UACA: variants seen among roughly 807,000 people sequenced by gnomAD.
UACA encodes the protein nuclear membrane binding protein.
A neutral mutation model predicts 160.5 loss-of-function variants in UACA; 112 were observed. The ratio of observed to expected loss-of-function variants is 0.70; its 90% CI spans 0.60 to 0.82. The LOEUF (loss-of-function observed/expected upper bound fraction) is 0.82. Ranked by LOEUF, UACA falls within the 40% of genes least tolerant of loss-of-function variation. The probability of loss-of-function intolerance (pLI) is 0.00; values close to 1 mark genes in which losing one functional copy is unlikely to be tolerated. For synonymous variants in UACA, 557 were observed against 568.4 expected, an observed-to-expected ratio of 0.98 and a Z score of 0.29; for missense variants, 1,574 against 1,614.6, an observed-to-expected ratio of 0.97 and a Z score of 0.43.
chr15:70,702,458 T>G (rs1415957279), intron 1 of UACA: 1 of 357,732 alleles, frequency 2.8e-6, no homozygotes, highest in Non-Finnish European at 3.9e-6. Flanking sequence ...TTCCTCTGAG[T>G]AATAAATTTC....
At chr15:70,658,148 A>C (rs1273007831) in intron 18 of UACA, among the ~76,000 whole-genome samples, 1 of 152,200 alleles carries the variant, frequency 6.6e-6, no homozygotes, top group East Asian at 1.9e-4. Context: ...TTTTTACGTA[A>C]ATAAGATTAT....
At chr15:70,703,226 G>A (rs1251878534) in intron 1 of UACA, 23 of 1,288,502 alleles carry the variant, frequency 1.8e-5, no homozygotes, top group Non-Finnish European at 2.2e-5. Context: ...ACAATAGCAT[G>A]AGAATAATTT....
At chr15:70,737,681 C>T (rs1899410163) in intron 1 of UACA, among the ~76,000 whole-genome samples, 3 of 152,056 alleles carry the variant, frequency 2.0e-5, no homozygotes. Flanking sequence ...GTACTTTAAC[C>T]TGGGTGGAAG....
At chr15:70,744,265 A>AAAG (rs1555416609) in intron 1 of UACA, among the ~76,000 whole-genome samples, 25 of 149,012 alleles carry the variant, frequency 1.7e-4, no homozygotes, top group African/African-American at 5.6e-4. Context: ...AAAAAAAAAA[A>AAAG]AAAGAAAGAA....
intron 3 of UACA, among the ~76,000 whole-genome samples, chr15:70,693,147 T>C (rs1190805330): frequency 1.3e-5 from 2 of 152,146 alleles, no homozygotes; most frequent in Non-Finnish European, 2.9e-5. Context: ...GGAGTGGAGA[T>C]GGTAGGGTTA....
chr15:70,677,343 T>C (rs1376439210), intron 11 of UACA, among the ~76,000 whole-genome samples: 1 of 152,202 alleles, frequency 6.6e-6, no homozygotes, highest in African/African-American at 2.4e-5. Flanking sequence ...CTTTTGATTC[T>C]CTTGAGAACC....
At chr15:70,761,762 G>C (rs928504999) in intron 1 of UACA, among the ~76,000 whole-genome samples, 3 of 152,120 alleles carry the variant, frequency 2.0e-5, no homozygotes, top group African/African-American at 7.2e-5. Flanking sequence ...TTTAAGCTCA[G>C]AGATATGCAC....
chr15:70,749,274 C>G (rs951506038), intron 1 of UACA: 67 of 409,042 alleles, frequency 1.6e-4, no homozygotes, highest in African/African-American at 1.3e-3. Context: ...TGCCTGTAAT[C>G]CCAGCACTTT....
chr15:70,708,126 A>G (rs536159661), intron 1 of UACA, among the ~76,000 whole-genome samples: 62 of 152,350 alleles, frequency 4.1e-4, no homozygotes, highest in African/African-American at 1.4e-3. Context: ...ATGCTACGAC[A>G]TAGATGAATC....
the UACA span, among the ~76,000 whole-genome samples, chr15:70,773,035 G>A: frequency 7.0e-6 from 1 of 142,300 alleles, no homozygotes; most frequent in Non-Finnish European, 1.5e-5. Flanking sequence ...GACAGAGCAA[G>A]ACTTCATCTC....
chr15:70,671,998 C>G lies in UACA; in HGVS notation c.1135G>C (p.Asp379His). The G allele has an allele frequency of 6.3e-7, 1 of 1,597,600 alleles. No individual in the cohort carries two copies. Among genetic ancestry groups the G allele is most frequent in the Non-Finnish European group, 8.5e-7 (1 of 1,172,286 alleles). ...LKNRFKYFES[D>H]HLGSGSHFSN... ...AAATGACTTCCTGATCCTAAATGAT[C>G]ACTCTGAAATCAGAAGCATAAAATA... Residue 379 changes from aspartate to histidine, a missense_variant, in exon 14 of 19, where the codon GAT becomes CAT. Transcript: ENST00000322954.
the UACA span, among the ~76,000 whole-genome samples, chr15:70,778,215 A>G: frequency 1.3e-5 from 2 of 151,990 alleles, no homozygotes; most frequent in East Asian, 3.8e-4. Flanking sequence ...AAAAAAAAAA[A>G]TATTGAGAAC....
chr15:70,762,547 A>G (rs1162675935), intron 1 of UACA, among the ~76,000 whole-genome samples: 1 of 152,198 alleles, frequency 6.6e-6, no homozygotes, highest in Non-Finnish European at 1.5e-5. Flanking sequence ...TCTCCTGCCA[A>G]CTAAAGAGGC....
intron 1 of UACA, among the ~76,000 whole-genome samples, chr15:70,719,272 G>T (rs568065515): frequency 2.2e-4 from 33 of 152,262 alleles, no homozygotes; most frequent in African/African-American, 7.9e-4. Flanking sequence ...AGTAAAAAGG[G>T]TTTACAAAGG....
chr15:70,748,257 A>G (rs1899771491), intron 1 of UACA, among the ~76,000 whole-genome samples: 1 of 152,218 alleles, frequency 6.6e-6, no homozygotes, highest in Non-Finnish European at 1.5e-5. Context: ...TCAACCCACA[A>G]ACAGGAAAGT....
intron 16 of UACA, among the ~76,000 whole-genome samples, chr15:70,665,253 T>C (rs1382784987): frequency 6.6e-6 from 1 of 151,308 alleles, no homozygotes; most frequent in East Asian, 1.9e-4. Context: ...TCAAGAGTTG[T>C]ATTATTTAAG....
chr15:70,711,298 T>C (rs1898674113), intron 1 of UACA, among the ~76,000 whole-genome samples: 1 of 151,932 alleles, frequency 6.6e-6, no homozygotes, highest in South Asian at 2.1e-4. Flanking sequence ...AGCAAAAAAA[T>C]GTGTATTTTA....
the UACA span, chr15:70,778,807 A>G: frequency 2.6e-5 from 4 of 152,304 alleles, no homozygotes; most frequent in Non-Finnish European, 5.9e-5. Flanking sequence ...TCTCATGGCC[A>G]TTTGTCTACT....
At chr15:70,766,154 C>G (rs889362110), upstream of UACA, among the ~76,000 whole-genome samples, 2 of 152,158 alleles carry the variant, frequency 1.3e-5, no homozygotes, top group Admixed American at 6.5e-5. Context: ...ATTTTTCCAG[C>G]CTAGAAACTT....
Sources: allele counts gnomAD v4.1 joint callset (sites outside exome capture counted in the v4.1 genomes callset), GRCh38; gene constraint gnomAD v4.1.1; transcripts MANE v1.5; gene names NCBI Gene and HGNC (gene_info 2026-07-23, HGNC 2026-07-21).